Variants in TUSC3 observed in about 807,000 individuals in gnomAD.
TUSC3 encodes dolichyl-diphosphooligosaccharide--protein glycosyltransferase subunit TUSC3.
TUSC3 carries 45 observed loss-of-function variants against 44.8 expected under a neutral mutation model. The observed-to-expected ratio is 1.00, with a 90% confidence interval of 0.79 to 1.29. TUSC3 has a LOEUF of 1.29. TUSC3 is among the 50% of genes most tolerant of loss of function. TUSC3 has a pLI of 0.00. For missense variants in TUSC3, 519 were observed against 437.9 expected (o/e 1.19, Z -1.65); for synonymous variants, 212 against 152.9 (o/e 1.39, Z -2.85).
chr8:15,459,296 A>C (rs1800308331), intron 1 of TUSC3, among the ~76,000 whole-genome samples: 1 of 152,166 alleles, frequency 6.6e-6, no homozygotes, highest in Admixed American at 6.5e-5. Context: ...CTAAAGTGAC[A>C]ATAGAAGTTG....
intron 2 of TUSC3, among the ~76,000 whole-genome samples, chr8:15,517,954 A>C (rs958010417): frequency 6.6e-6 from 1 of 150,692 alleles, no homozygotes; most frequent in Non-Finnish European, 1.5e-5. Flanking sequence ...TTTACATTTG[A>C]AAACATCCTT....
chr8:15,660,453 G>A (rs1807366187), intron 4 of TUSC3, among the ~76,000 whole-genome samples: 1 of 151,924 alleles, frequency 6.6e-6, no homozygotes, highest in South Asian at 2.1e-4. Context: ...GAACCTAAAT[G>A]GTGATGGTAG....
At chr8:15,741,709 A>G (rs115756603) in intron 7 of TUSC3, among the ~76,000 whole-genome samples, 92 of 152,292 alleles carry the variant, frequency 6.0e-4, no homozygotes, top group African/African-American at 2.1e-3. Context: ...AAAAAAAATT[A>G]AAAAGTCATA....
chr8:15,441,358 G>C (rs1800018539), intron 1 of TUSC3, among the ~76,000 whole-genome samples: 1 of 152,184 alleles, frequency 6.6e-6, no homozygotes, highest in Non-Finnish European at 1.5e-5. Context: ...AGTGAGCCGA[G>C]ATCGCGTCAC....
At chr8:15,540,626 G>A (rs1471210928) in intron 1 of TUSC3, 58 bp downstream of exon 1, 9 of 1,478,440 alleles carry the variant, frequency 6.1e-6, no homozygotes, top group Non-Finnish European at 2.7e-6. Context: ...GGTGGGCCGC[G>A]TTGCCAGGCA....
chr8:15,714,497 C>A (rs955843078), intron 6 of TUSC3, among the ~76,000 whole-genome samples: 2 of 152,032 alleles, frequency 1.3e-5, no homozygotes, highest in African/African-American at 4.8e-5. Context: ...TTTGTAACTG[C>A]TGGAAGTGGT....
At chr8:15,847,165 G>C in the TUSC3 span, among the ~76,000 whole-genome samples, 1 of 152,182 alleles carries the variant, frequency 6.6e-6, no homozygotes, top group East Asian at 1.9e-4. Context: ...ACTGGAAGCA[G>C]GGAGAGGCAG....
intron 2 of TUSC3, among the ~76,000 whole-genome samples, chr8:15,623,845 G>C (rs571118596): frequency 1.3e-5 from 2 of 152,196 alleles, no homozygotes; most frequent in South Asian, 2.1e-4. Context: ...GTAACCTGTT[G>C]TAAAACTATA....
At chr8:15,442,301 A>T (rs1800031228) in intron 1 of TUSC3, among the ~76,000 whole-genome samples, 1 of 151,942 alleles carries the variant, frequency 6.6e-6, no homozygotes, top group Non-Finnish European at 1.5e-5. Context: ...TAATCTGAAA[A>T]ATCTCTAAAA....
chr8:15,834,194 A>G, the TUSC3 span, among the ~76,000 whole-genome samples: 143,334 of 152,158 alleles, frequency 0.94, 67,607 homozygotes, highest in Non-Finnish European at 0.97. Flanking sequence ...ACATTACATA[A>G]GTTTTCATTT....
chr8:15,420,018 A>G (rs76715935), intron 1 of TUSC3, among the ~76,000 whole-genome samples: 2,168 of 152,252 alleles, frequency 0.014, 46 homozygotes, highest in African/African-American at 0.048. Flanking sequence ...TTTTGATCCC[A>G]TTATATGTAT....
At chr8:15,776,479 C>CTATGTCA in the TUSC3 span, among the ~76,000 whole-genome samples, 1 of 152,022 alleles carries the variant, frequency 6.6e-6, no homozygotes, top group East Asian at 1.9e-4. Flanking sequence ...ATGTTCAGCC[C>CTATGTCA]TATGTCAGCC....
At chr8:15,573,973 C>T (rs1314473231) in intron 1 of TUSC3, among the ~76,000 whole-genome samples, 2 of 152,198 alleles carry the variant, frequency 1.3e-5, no homozygotes, top group African/African-American at 4.8e-5. Flanking sequence ...TAAACCAGTC[C>T]TTTTCTTAGG....
intron 9 of TUSC3, among the ~76,000 whole-genome samples, chr8:15,753,886 G>A (rs557039847): frequency 2.0e-4 from 31 of 152,166 alleles, no homozygotes; most frequent in Non-Finnish European, 2.9e-5. Flanking sequence ...GCAAAAGCAA[G>A]TGTCAAAGAG....
chr8:15,446,124 AG>A (rs1200921985), intron 1 of TUSC3, among the ~76,000 whole-genome samples: 1 of 150,678 alleles, frequency 6.6e-6, no homozygotes, highest in Non-Finnish European at 1.5e-5. Flanking sequence ...CTCAGATCCC[AG>A]ACGGGGTCGC....
At chr8:15,434,519 T>C (rs953334507) in intron 1 of TUSC3, among the ~76,000 whole-genome samples, 46 of 133,030 alleles carry the variant, frequency 3.5e-4, no homozygotes, top group Middle Eastern at 3.8e-3. Flanking sequence ...GCTCAAATTA[T>C]AAAGCCATTC....
chr8:15,503,905 C>G (rs190764889), intron 2 of TUSC3, among the ~76,000 whole-genome samples: 3 of 150,912 alleles, frequency 2.0e-5, no homozygotes, highest in East Asian at 3.9e-4. Context: ...ATCCTAGCTA[C>G]TTGGGAGGCT....
the TUSC3 span, among the ~76,000 whole-genome samples, chr8:15,781,136 T>C: frequency 9.2e-5 from 14 of 152,300 alleles, no homozygotes; most frequent in African/African-American, 3.1e-4. Flanking sequence ...TAGATCCAGG[T>C]CTGCCCATTT....
chr8:15,793,023 G>C, the TUSC3 span, among the ~76,000 whole-genome samples: 1 of 152,044 alleles, frequency 6.6e-6, no homozygotes, highest in Non-Finnish European at 1.5e-5. Context: ...AATGAGAAGA[G>C]ATGTTTCTCT....
Sources: gnomAD v4.1 joint callset for allele counts (sites outside exome capture counted in the v4.1 genomes callset) on GRCh38, gnomAD v4.1.1 for gene constraint, MANE v1.5 for transcripts, NCBI Gene and HGNC (gene_info 2026-07-23, HGNC 2026-07-21) for gene names.